ANO10: variants seen among roughly 807,000 people sequenced by gnomAD.
ANO10 encodes the protein anoctamin 10.
A neutral mutation model predicts 74.7 loss-of-function variants in ANO10; 77 were observed. The ratio of observed to expected loss-of-function variants is 1.03; its 90% confidence interval spans 0.86 to 1.25. The LOEUF (loss-of-function observed/expected upper bound fraction) is 1.25. Among genes scored for constraint, ANO10 ranks in the 50% most tolerant of loss-of-function variants. The pLI, the probability that ANO10 is intolerant of heterozygous loss-of-function variation, is 0.00. For missense variants in ANO10, 721 were observed against 778.1 expected, an observed-to-expected ratio of 0.93 and a Z score of 0.87; for synonymous variants, 279 against 284.9, an observed-to-expected ratio of 0.98 and a Z score of 0.21.
chr3:43,410,424 G>A (rs949722391), intron 12 of ANO10, among the ~76,000 whole-genome samples: 5 of 151,940 alleles, frequency 3.3e-5, no homozygotes, highest in Non-Finnish European at 4.4e-5. Flanking sequence ...TGGCTTCTAT[G>A]TGATTTTAAA....
rs142813344 is a variant in ANO10 at position 43,398,305 on chromosome 3, T to C, written c.1915-31331A>G. 1.2e-3 allele frequency among the ~76,000 whole-genome samples: 188 copies of C among 152,370 alleles called. 1 individual carries two copies. The highest frequency in any genetic ancestry group is 4.4e-3 in the African/African-American group (181 of 41,588). On this transcript the variant is annotated intron_variant, in intron 12 of 12. Transcript: ENST00000292246. ...CTATTGTGGGATTTTGTACATGACATAGATTAATGTAGATTAATTTGAAGT... is the reference window on the plus strand; with the variant it reads ...CTATTGTGGGATTTTGTACATGACACAGATTAATGTAGATTAATTTGAAGT...
chr3:43,459,498 G>A (rs2075287195), intron 11 of ANO10, among the ~76,000 whole-genome samples: 1 of 152,188 alleles, frequency 6.6e-6, no homozygotes, highest in Non-Finnish European at 1.5e-5. Context: ...AGAAATATCT[G>A]CCAGTAGAAG....
At chr3:43,561,126 A>G (rs1460442298) in intron 9 of ANO10, 94 bp downstream of exon 9, 1 of 1,405,174 alleles carries the variant, frequency 7.1e-7, no homozygotes, top group Non-Finnish European at 1.0e-6. Context: ...GAATAGTCAC[A>G]TCTGAGATCA....
chr3:43,503,238 G>T (rs991364380), intron 11 of ANO10, among the ~76,000 whole-genome samples: 1 of 152,038 alleles, frequency 6.6e-6, no homozygotes, highest in East Asian at 1.9e-4. Flanking sequence ...AACATTACAG[G>T]TTTCAGAAAT....
At chr3:43,521,611 C>T (rs61023613) in intron 11 of ANO10, among the ~76,000 whole-genome samples, 2 of 152,120 alleles carry the variant, frequency 1.3e-5, no homozygotes, top group Non-Finnish European at 2.9e-5. Context: ...TTCACATCCA[C>T]TAGGTTAGCT....
chr3:43,432,313 G>A (rs907394204), intron 12 of ANO10, among the ~76,000 whole-genome samples: 1 of 152,048 alleles, frequency 6.6e-6, no homozygotes, highest in Non-Finnish European at 1.5e-5. Context: ...GGAAGCTGTG[G>A]GGAGCTGCCC....
chr3:43,645,804 G>C (rs375093086), intron 1 of ANO10, among the ~76,000 whole-genome samples: 1 of 151,968 alleles, frequency 6.6e-6, no homozygotes, highest in African/African-American at 2.4e-5. Context: ...AAGTATCTCT[G>C]CCTGGTGTTT....
chr3:43,409,172 A>C (rs1453180965), intron 12 of ANO10, among the ~76,000 whole-genome samples: 1 of 152,070 alleles, frequency 6.6e-6, no homozygotes, highest in African/African-American at 2.4e-5. Flanking sequence ...TACCACTACT[A>C]CCTCCACTGC....
At chr3:43,656,799 G>A (rs1175230720) in intron 1 of ANO10, among the ~76,000 whole-genome samples, 4 of 152,224 alleles carry the variant, frequency 2.6e-5, no homozygotes, top group Non-Finnish European at 4.4e-5. Context: ...GTTCCTGCTC[G>A]CGCCTCTCCC....
At chr3:43,485,415 T>C (rs1304193838) in intron 11 of ANO10, among the ~76,000 whole-genome samples, 2 of 152,162 alleles carry the variant, frequency 1.3e-5, no homozygotes, top group Non-Finnish European at 2.9e-5. Context: ...CACGGGTTTG[T>C]CCTAATCCAG....
Position 43,366,669 on chromosome 3 carries a change from C to T in ANO10, c.*237G>A, listed in dbSNP as rs904271838. 2.4e-5 allele frequency: 14 copies of T among 586,572 alleles called. No homozygotes were observed. The highest frequency in any genetic ancestry group is 3.9e-5 in the South Asian group (2 of 51,196). 36.3% of individuals were successfully genotyped at this position (586,572 alleles called of 1,614,324 possible). A position where few individuals can be genotyped will look rare whatever the true frequency, so the allele number is the denominator to read the frequency against. ...GGCAGCTGGAGCAGCGTGTGGGGCCCGGGAAGGAACTGGGAAGGAGCAGAC... is the reference window on the plus strand; with the variant it reads ...GGCAGCTGGAGCAGCGTGTGGGGCCTGGGAAGGAACTGGGAAGGAGCAGAC... On this transcript the variant is annotated 3_prime_UTR_variant, in exon 13 of 13. Coordinates refer to ENST00000292246, the MANE Select transcript of ANO10 (RefSeq NM_018075.5).
chr3:43,549,885 G>A, intron 10 of ANO10, 37 bp from the exon 11 acceptor site: 1 of 1,610,188 alleles, frequency 6.2e-7, no homozygotes. Context: ...AAATTGCAAT[G>A]ACTGCTTCCA....
intron 11 of ANO10, among the ~76,000 whole-genome samples, chr3:43,478,141 G>A (rs1358200458): frequency 1.3e-5 from 2 of 152,176 alleles, no homozygotes; most frequent in African/African-American, 4.8e-5. Context: ...GAGAGGTTAC[G>A]TATCCTGGCC....
At chr3:43,482,904 G>T (rs1346033064) in intron 11 of ANO10, among the ~76,000 whole-genome samples, 1 of 152,194 alleles carries the variant, frequency 6.6e-6, no homozygotes, top group East Asian at 1.9e-4. Context: ...CAGGAGCAAA[G>T]CTGTACCCTT....
chr3:43,385,018 A>G (rs1385213862), intron 12 of ANO10, among the ~76,000 whole-genome samples: 1 of 152,164 alleles, frequency 6.6e-6, no homozygotes, highest in Non-Finnish European at 1.5e-5. Context: ...CATAATCTAT[A>G]TATACAACCA....
intron 12 of ANO10, among the ~76,000 whole-genome samples, chr3:43,367,607 C>T (rs775778144): frequency 4.7e-4 from 72 of 152,154 alleles, no homozygotes; most frequent in Non-Finnish European, 8.2e-4. Context: ...GTGCCCTCCT[C>T]GAGGGCAGGA....
chr3:43,483,295 T>A (rs146456824), intron 11 of ANO10, among the ~76,000 whole-genome samples: 13 of 152,386 alleles, frequency 8.5e-5, no homozygotes, highest in African/African-American at 3.1e-4. Context: ...AGTTTAGTAA[T>A]GGGACATTTT....
chr3:43,533,945 A>G (rs1447355755), intron 11 of ANO10, among the ~76,000 whole-genome samples: 1 of 152,240 alleles, frequency 6.6e-6, no homozygotes, highest in African/African-American at 2.4e-5. Context: ...TCTGCTTATG[A>G]ATTAATGCTT....
intron 1 of ANO10, chr3:43,691,069 G>C (rs372983058): frequency 1.6e-5 from 25 of 1,526,122 alleles, no homozygotes; most frequent in Non-Finnish European, 2.1e-5. Context: ...GGCTTCGTGT[G>C]TCTCCGGCGC....
Sources: gnomAD v4.1 joint callset for allele counts (sites outside exome capture counted in the v4.1 genomes callset) on GRCh38, gnomAD v4.1.1 for gene constraint, MANE v1.5 for transcripts, NCBI Gene and HGNC (gene_info 2026-07-23, HGNC 2026-07-21) for gene names.